MYT1L: variants seen among roughly 807,000 people sequenced by gnomAD.
The protein encoded by MYT1L is myelin transcription factor 1 like.
Under a neutral mutation model 126.7 loss-of-function variants are expected in MYT1L, and 12 were observed. The ratio of observed to expected loss-of-function variants is 0.09; its 90% confidence interval spans 0.06 to 0.15. The LOEUF (loss-of-function observed/expected upper bound fraction) is 0.15. Ranked by LOEUF, MYT1L falls within the 10% of genes least tolerant of loss-of-function variation. The pLI, the probability that MYT1L is intolerant of heterozygous loss-of-function variation, is 1.00. For missense variants in MYT1L, 979 were observed against 1,585.2 expected, an observed-to-expected ratio of 0.62 and a Z score of 6.49; for synonymous variants, 541 against 604.2, an observed-to-expected ratio of 0.90 and a Z score of 1.53.
chr2:2,083,469 C>T (rs995860460), intron 3 of MYT1L, among the ~76,000 whole-genome samples: 1 of 152,248 alleles, frequency 6.6e-6, no homozygotes, highest in Non-Finnish European at 1.5e-5. Flanking sequence ...GGCCCAGGAG[C>T]TCATCTACCA....
chr2:1,997,795 G>A (rs1325109484), intron 4 of MYT1L, among the ~76,000 whole-genome samples: 1 of 152,206 alleles, frequency 6.6e-6, no homozygotes, highest in Non-Finnish European at 1.5e-5. Context: ...TTTATTCTGT[G>A]ATGTCTCCAG....
intron 8 of MYT1L, among the ~76,000 whole-genome samples, chr2:1,966,276 C>T (rs2059349199): frequency 6.6e-6 from 1 of 152,240 alleles, no homozygotes; most frequent in Admixed American, 6.5e-5. Context: ...ACTCACCACT[C>T]TTTCTTCCAG....
chr2:2,184,549 C>T (rs2091913720), intron 2 of MYT1L, among the ~76,000 whole-genome samples: 1 of 152,138 alleles, frequency 6.6e-6, no homozygotes, highest in African/African-American at 2.4e-5. Context: ...GGGATGATTT[C>T]ATCAAGTAAA....
intron 3 of MYT1L, among the ~76,000 whole-genome samples, chr2:2,062,416 T>C (rs995951291): frequency 6.6e-6 from 1 of 152,220 alleles, no homozygotes; most frequent in Non-Finnish European, 1.5e-5. Flanking sequence ...TCCTCCCATC[T>C]GGCCTCGTCC....
intron 3 of MYT1L, among the ~76,000 whole-genome samples, chr2:2,158,618 A>AAC (rs74164556): frequency 0.048 from 6,908 of 144,276 alleles, 222 homozygotes; most frequent in African/African-American, 0.083. Flanking sequence ...CCATGGCATA[A>AAC]ACACACACAC....
intron 1 of MYT1L, among the ~76,000 whole-genome samples, chr2:2,321,293 G>A (rs1479089111): frequency 6.6e-6 from 1 of 152,168 alleles, no homozygotes; most frequent in Admixed American, 6.5e-5. Flanking sequence ...ACTGATTTCC[G>A]AATGTTCACA....
chr2:2,140,318 T>C (rs1278117939), intron 3 of MYT1L, among the ~76,000 whole-genome samples: 13 of 152,226 alleles, frequency 8.5e-5, no homozygotes, highest in Non-Finnish European at 1.6e-4. Context: ...AGGCAATTTA[T>C]TCCAATTGTT....
chr2:2,205,273 A>G (rs1216826874), intron 2 of MYT1L, among the ~76,000 whole-genome samples: 1 of 151,750 alleles, frequency 6.6e-6, no homozygotes, highest in African/African-American at 2.4e-5. Flanking sequence ...ATAATAATAA[A>G]ATTAAAAAAA....
chr2:1,846,680 C>T (rs575495042), intron 19 of MYT1L, among the ~76,000 whole-genome samples: 6 of 152,292 alleles, frequency 3.9e-5, no homozygotes, highest in Admixed American at 1.3e-4. Flanking sequence ...GTGTCCGGCC[C>T]GGAGCCCAGG....
chr2:1,801,844 A>C lies in MYT1L; in HGVS notation c.3173-45T>G. Reference sequence around the variant, plus strand: ...TATGTTAAAACTGTTATATACAAAAATATTAGAGTTAGAATTTTGGGAGCT... The same window carrying C: ...TATGTTAAAACTGTTATATACAAAACTATTAGAGTTAGAATTTTGGGAGCT... On this transcript the variant is annotated intron_variant, in intron 22 of 24. Coordinates refer to ENST00000647738, the MANE Select transcript of MYT1L (RefSeq NM_001303052.2). This position sits in a 1 kb window ranked among gnomAD's most constrained non-coding sequence, Gnocchi z 4.2. The C allele has an allele frequency of 8.1e-7, 1 of 1,240,406 alleles. No individual in the cohort carries two copies. Among genetic ancestry groups the C allele is most frequent in the Non-Finnish European group, 1.1e-6 (1 of 876,924 alleles). 76.8% of individuals were successfully genotyped at this position (1,240,406 alleles called of 1,614,324 possible). A position where few individuals can be genotyped will look rare whatever the true frequency, so the allele number is the denominator to read the frequency against.
intron 8 of MYT1L, among the ~76,000 whole-genome samples, chr2:1,951,637 C>T (rs376130514): frequency 6.6e-6 from 1 of 152,168 alleles, no homozygotes; most frequent in African/African-American, 2.4e-5. Flanking sequence ...CCTGTTTAAC[C>T]GCGGGAGATG....
intron 22 of MYT1L, among the ~76,000 whole-genome samples, chr2:1,803,979 G>C (rs2035281024): frequency 6.6e-6 from 1 of 152,204 alleles, no homozygotes; most frequent in Non-Finnish European, 1.5e-5. Context: ...AGGGAGAGGA[G>C]AGCTCTGGGT....
At position 1,922,310 on chromosome 2, in the gene MYT1L, C is replaced by T; in HGVS notation, c.1459G>A (p.Val487Ile). 6.2e-7 allele frequency: 1 copy of T among 1,613,862 alleles called. No homozygotes were observed. The highest frequency in any genetic ancestry group is 8.5e-7 in the Non-Finnish European group (1 of 1,179,812). The change falls in exon 10 of 25, where the codon GTC (valine) becomes ATC (isoleucine). Residue 487 changes from valine (V) to isoleucine (I), a missense_variant. Physicochemically the swap from Val to Ile is conservative, Grantham distance 29 (BLOSUM62 3). Transcript: ENST00000647738. The surrounding 1 kb of genome is among the most constrained non-coding windows in gnomAD (Gnocchi z 7.4). ...CCTTTACCATAGTATGGCTTTTTGA[C>T]ATGGCTGTCACTGGATTTAGGCTTT... ...DRKPKSSDSH[V>I]KKPYYGKDPS...
At chr2:2,123,247 G>C (rs957544030) in intron 3 of MYT1L, among the ~76,000 whole-genome samples, 1 of 152,162 alleles carries the variant, frequency 6.6e-6, no homozygotes, top group African/African-American at 2.4e-5. Flanking sequence ...TAGAGCCTGT[G>C]GGAGGCGGAA....
chr2:1,842,323 G>C (rs913551897), intron 19 of MYT1L: 2 of 151,976 alleles, frequency 1.3e-5, no homozygotes, highest in Non-Finnish European at 2.9e-5. Flanking sequence ...GGTGTGGGAA[G>C]GTTCGGGAAG....
intron 8 of MYT1L, among the ~76,000 whole-genome samples, chr2:1,964,636 GATTT>G (rs1259457905): frequency 6.6e-6 from 1 of 152,108 alleles, no homozygotes; most frequent in Non-Finnish European, 1.5e-5. Context: ...ATCTTAACTA[GATTT>G]ATTTTGTGTT....
At chr2:1,807,578 T>C (rs1002345787) in intron 22 of MYT1L, among the ~76,000 whole-genome samples, 1 of 152,238 alleles carries the variant, frequency 6.6e-6, no homozygotes, top group Non-Finnish European at 1.5e-5. Context: ...AGGCTCCATT[T>C]AGAAATACAA....
At chr2:1,893,811 AAAG>A (rs2049233670) in intron 14 of MYT1L, among the ~76,000 whole-genome samples, 2 of 152,304 alleles carry the variant, frequency 1.3e-5, no homozygotes, top group South Asian at 2.1e-4. Context: ...CAAAGGGAAA[AAAG>A]AAGGAGTCCT....
At chr2:2,105,876 A>G (rs2078688713) in intron 3 of MYT1L, among the ~76,000 whole-genome samples, 1 of 152,246 alleles carries the variant, frequency 6.6e-6, no homozygotes, top group Admixed American at 6.5e-5. Context: ...TTTAGAAGGC[A>G]GGGGCTCAAT....
Sources: gnomAD v4.1 joint callset for allele counts (sites outside exome capture counted in the v4.1 genomes callset) on GRCh38, gnomAD v4.1.1 for gene constraint, Gnocchi (gnomAD v3.1) non-coding constraint, MANE v1.5 for transcripts, NCBI Gene and HGNC (gene_info 2026-07-23, HGNC 2026-07-21) for gene names.